Variants in SBK1 observed in about 807,000 individuals in gnomAD.
SBK1 encodes the protein serine/threonine-protein kinase SBK1.
Under a neutral mutation model 24.4 loss-of-function variants are expected in SBK1, and 11 were observed. The ratio of observed to expected loss-of-function variants is 0.45; its 90% CI spans 0.28 to 0.75. The LOEUF (loss-of-function observed/expected upper bound fraction) is 0.75. SBK1 is among the 30% of genes least tolerant of loss of function. The pLI, the probability that SBK1 is intolerant of heterozygous loss-of-function variation, is 0.12. For missense variants in SBK1, 467 were observed against 620.5 expected, an observed-to-expected ratio of 0.75 and a Z score of 2.63; for synonymous variants, 308 against 284.4, an observed-to-expected ratio of 1.08 and a Z score of -0.83.
In SBK1 at chr16:28,320,716, C is replaced by G. The variant is rs1000944966; in HGVS notation, c.1070C>G (p.Thr357Ser). Residue 357 changes from threonine (T) to serine (S), a missense_variant, in exon 4 of 4, where the codon ACC becomes AGC. By Grantham distance (58) the Thr-to-Ser change is moderately conservative. Around this residue, in one of 4 missense-constraint regions of SBK1, gnomAD observed 166 missense variants for 146.8 expected, o/e 1.13. Transcript: ENST00000341901. This position sits in a 1 kb window ranked among gnomAD's most constrained non-coding sequence, Gnocchi z 8.5. ...APGPLKRTVL[T>S]ESGSGSRPAP... is the part of the protein sequence containing the mutation. The stretch of plus-strand genomic sequence containing the variant: ...GGGCCGCTCAAGCGGACGGTGCTGA[C>G]CGAGAGCGGCAGCGGCTCCCGGCCC... 1 of 1,146,180 alleles carries G rather than the reference C, an allele frequency of 8.7e-7. No individual in the cohort carries two copies. Among genetic ancestry groups the G allele is most frequent in the Admixed American group, 5.1e-5 (1 of 19,798 alleles). The allele number at this position is 1,146,180 out of a possible 1,614,324, so 71.0% of individuals were successfully genotyped here.
chr16:28,272,619 C>CTTTTTTT (rs71140961), intron 1 of SBK1, among the ~76,000 whole-genome samples: 66 of 105,970 alleles, frequency 6.2e-4, no homozygotes, highest in African/African-American at 8.4e-4. Context: ...TTCTTTCTTT[C>CTTTTTTT]TTTTTTTTTT....
In SBK1 at chr16:28,271,038, T is replaced by G. The variant is rs560268179; in HGVS notation, c.257+11536T>G. 3.9e-4 allele frequency among the ~76,000 whole-genome samples: 59 copies of G among 151,770 alleles called. 1 individual carries two copies. The South Asian group carries it at 0.011, about 30-fold the overall frequency. On this transcript the variant is annotated intron_variant, in intron 1 of 3. Coordinates refer to the SBK1 transcript ENST00000671413. ...GCCACCACGCCTGGCTAATTTTTTG[T>G]ACTTTTAGTAGAGACGGGGTTTCAC...
intron 1 of SBK1, among the ~76,000 whole-genome samples, chr16:28,264,487 T>C (rs1325395740): frequency 6.6e-6 from 1 of 150,750 alleles, no homozygotes; most frequent in Non-Finnish European, 1.5e-5. Context: ...GGCAGGAAAA[T>C]AGCTTGAACC....
intron 1 of SBK1, among the ~76,000 whole-genome samples, chr16:28,268,109 C>T (rs887279348): frequency 1.3e-5 from 2 of 152,092 alleles, no homozygotes; most frequent in African/African-American, 4.8e-5. Flanking sequence ...TGGTGAGACC[C>T]CATCTTTATA....
chr16:28,306,201 T>C (rs2044715504), intron 1 of SBK1, among the ~76,000 whole-genome samples: 1 of 152,070 alleles, frequency 6.6e-6, no homozygotes, highest in Admixed American at 6.6e-5. Flanking sequence ...GCTGCAAAGC[T>C]GCAGGACACA....
At chr16:28,314,371 G>A (rs539637045) in intron 1 of SBK1, among the ~76,000 whole-genome samples, 4 of 144,182 alleles carry the variant, frequency 2.8e-5, no homozygotes, top group South Asian at 4.4e-4. Flanking sequence ...TGCTCAGGCC[G>A]GTCTCACACT....
At position 28,320,736 on chromosome 16, in the gene SBK1, C is replaced by T. The variant is rs1038782635; in HGVS notation, c.1090C>T (p.Arg364Trp). The T allele has an allele frequency of 2.5e-6, 3 of 1,183,214 alleles. No individual in the cohort carries two copies. Among genetic ancestry groups the T allele is most frequent in the South Asian group, 2.3e-5 (1 of 42,564 alleles). The allele number at this position is 1,183,214 out of a possible 1,614,324, so 73.3% of individuals were successfully genotyped here. A position where few individuals can be genotyped will look rare whatever the true frequency, so the allele number is the denominator to read the frequency against. Residue 364 changes from arginine to tryptophan, a missense_variant, in exon 4 of 4, where the codon CGG (arginine) becomes TGG (tryptophan). By Grantham distance (101) the Arg-to-Trp change is moderately radical (BLOSUM62 -3). Coordinates refer to ENST00000341901, the MANE Select transcript of SBK1 (RefSeq NM_001024401.3). The surrounding 1 kb of genome is among the most constrained non-coding windows in gnomAD (Gnocchi z 8.5). Reference sequence around the variant, plus strand: ...GCTGACCGAGAGCGGCAGCGGCTCCCGGCCCGCGCCCCCCGCCGTCGGGTC... The same window carrying T: ...GCTGACCGAGAGCGGCAGCGGCTCCTGGCCCGCGCCCCCCGCCGTCGGGTC... ...TVLTESGSGS[R>W]PAPPAVGSVP...
At chr16:28,302,973 A>C (rs963251373) in intron 1 of SBK1, among the ~76,000 whole-genome samples, 1 of 149,874 alleles carries the variant, frequency 6.7e-6, no homozygotes, top group Non-Finnish European at 1.5e-5. Flanking sequence ...GGGGGGGGTC[A>C]GGAGTGCAGT....
chr16:28,322,412 C>G lies in SBK1; in HGVS notation c.*1491C>G, dbSNP rs1056025407. On this transcript the variant is annotated 3_prime_UTR_variant, in exon 4 of 4. Transcript: ENST00000341901. ...TAAGCACCACATGGGTGAGGCTGTC[C>G]CTGTCAGGGTCCCCTGCCAGGGTCC... is the stretch of plus-strand genomic sequence containing the variant. 6.5e-6 allele frequency: 1 copy of G among 152,682 alleles called. No individual in the cohort carries two copies. The highest frequency in any genetic ancestry group is 6.5e-5 in the Admixed American group (1 of 15,284). 9.5% of individuals were successfully genotyped at this position (152,682 alleles called of 1,614,324 possible).
At chr16:28,261,366 G>A (rs1338975250) in intron 1 of SBK1, among the ~76,000 whole-genome samples, 2 of 151,854 alleles carry the variant, frequency 1.3e-5, no homozygotes, top group Admixed American at 6.6e-5. Context: ...AGGCCAAGGC[G>A]GGTAGATCGC....
At chr16:28,308,298 C>G (rs2044730412) in intron 1 of SBK1, among the ~76,000 whole-genome samples, 1 of 151,898 alleles carries the variant, frequency 6.6e-6, no homozygotes, top group Admixed American at 6.6e-5. Flanking sequence ...TTACAGGTGC[C>G]CACCACCACA....
At position 28,317,784 on chromosome 16, in the gene SBK1, C is replaced by G. The variant is rs562862442; in HGVS notation, c.226+167C>G. Among the ~76,000 whole-genome samples, 1 of 152,066 alleles carries G rather than the reference C, an allele frequency of 6.6e-6. No homozygotes were observed. Among genetic ancestry groups the G allele is most frequent in the South Asian group, 2.1e-4 (1 of 4,812 alleles). On this transcript the variant is annotated intron_variant, in intron 2 of 3. Coordinates refer to ENST00000341901, the MANE Select transcript of SBK1 (RefSeq NM_001024401.3). The surrounding 1 kb of genome is among the most constrained non-coding windows in gnomAD (Gnocchi z 4.2). ...GTAGAGGATGAGGCCTGAGGCAGCC[C>G]AGGGGGAAAGAGACTGGGCAGATGG...
intron 1 of SBK1, among the ~76,000 whole-genome samples, chr16:28,312,498 G>GGA (rs2044760678): frequency 6.6e-6 from 1 of 152,142 alleles, no homozygotes; most frequent in African/African-American, 2.4e-5. Flanking sequence ...GGGACTGCGT[G>GGA]GAGACATGGT....
intron 1 of SBK1, among the ~76,000 whole-genome samples, chr16:28,303,507 C>CTTT (rs143613970): frequency 6.9e-3 from 401 of 57,874 alleles, no homozygotes; most frequent in Middle Eastern, 0.017. Context: ...CTTTTCTTTT[C>CTTT]TTTTTTTTTT....
At chr16:28,305,902 T>C (rs1355448193) in intron 1 of SBK1, among the ~76,000 whole-genome samples, 1 of 152,196 alleles carries the variant, frequency 6.6e-6, no homozygotes, top group African/African-American at 2.4e-5. Flanking sequence ...ACCCAATCCT[T>C]GCCTTGCTTA....
chr16:28,298,784 G>C (rs1027371041), intron 1 of SBK1, among the ~76,000 whole-genome samples: 7 of 152,342 alleles, frequency 4.6e-5, no homozygotes, highest in African/African-American at 1.7e-4. Context: ...AACTGCCTCT[G>C]GGCTTTGGGA....
Position 28,321,323 on chromosome 16 carries a change from T to G in SBK1, c.*402T>G. ...CGGACTCGTTGCTCCTGGCCTTCCA[T>G]ACCCCCTGGCAGATCATCCTGCGGT... On this transcript the variant is annotated 3_prime_UTR_variant, in exon 4 of 4. Coordinates refer to ENST00000341901, the MANE Select transcript of SBK1 (RefSeq NM_001024401.3). The G allele has an allele frequency of 6.4e-6, 1 of 156,160 alleles. No individual in the cohort carries two copies. The highest frequency in any genetic ancestry group is 1.4e-5 in the Non-Finnish European group (1 of 70,912). The allele number at this position is 156,160 out of a possible 1,614,324, so 9.7% of individuals were successfully genotyped here.
At chr16:28,265,441 C>A (rs986687471) in intron 1 of SBK1, among the ~76,000 whole-genome samples, 1 of 151,342 alleles carries the variant, frequency 6.6e-6, no homozygotes, top group Non-Finnish European at 1.5e-5. Flanking sequence ...AAATACTAGC[C>A]GGGCATGGTG....
At chr16:28,311,087 GAGA>G (rs2044751729) in intron 1 of SBK1, among the ~76,000 whole-genome samples, 1 of 152,288 alleles carries the variant, frequency 6.6e-6, no homozygotes, top group African/African-American at 2.4e-5. Flanking sequence ...GGTGTGGAAG[GAGA>G]AGAAGGAGGG....
Sources: allele counts gnomAD v4.1 joint callset (sites outside exome capture counted in the v4.1 genomes callset), GRCh38; gene constraint gnomAD v4.1.1; regional missense constraint gnomAD v4.1.1; non-coding constraint Gnocchi (gnomAD v3.1); transcripts MANE v1.5; gene names NCBI Gene and HGNC (gene_info 2026-07-23, HGNC 2026-07-21).